Variants in PIR observed in about 807,000 individuals in gnomAD.
PIR encodes the protein pirin (iron-binding nuclear protein).
A neutral mutation model predicts 24.2 loss-of-function variants in PIR; 22 were observed. The ratio of observed to expected loss-of-function variants is 0.91; its 90% CI spans 0.65 to 1.30. The LOEUF (loss-of-function observed/expected upper bound fraction) is 1.30. Among genes scored for constraint, PIR ranks in the 50% most tolerant of loss-of-function variants. PIR has a pLI of 0.00. For missense variants in PIR, 220 were observed against 220.3 expected (o/e 1.00, Z 0.01); for synonymous variants, 80 against 79.6 (o/e 1.00, Z -0.03).
intron 3 of PIR, among the ~76,000 whole-genome samples, chrX:15,475,318 G>C (rs1922138341): frequency 9.0e-6 from 1 of 111,730 alleles, no homozygotes; most frequent in Admixed American, 9.5e-5. Flanking sequence ...CAAAATCAAA[G>C]AACTTGCTGA....
intron 2 of PIR, among the ~76,000 whole-genome samples, chrX:15,481,006 G>A (rs1473224505): frequency 8.9e-6 from 1 of 112,647 alleles, no homozygotes; most frequent in Non-Finnish European, 1.9e-5. Context: ...GATGGAGAGT[G>A]GTTGAGTGAC....
intron 8 of PIR, among the ~76,000 whole-genome samples, chrX:15,396,548 GACTAAACAGACTC>G (rs773017691): frequency 0.021 from 2,390 of 111,227 alleles, 23 homozygotes; most frequent in Non-Finnish European, 0.036. Context: ...CAGTCAGATT[GACTAAACAGACTC>G]ACAACATGGT....
intron 6 of PIR, among the ~76,000 whole-genome samples, chrX:15,417,476 TC>T (rs1163601260): frequency 8.9e-6 from 1 of 112,122 alleles, no homozygotes; most frequent in Non-Finnish European, 1.9e-5. Context: ...AAGATGTAGC[TC>T]CTTTCCTTTT....
chrX:15,471,392 T>C (rs1390551143), intron 3 of PIR, among the ~76,000 whole-genome samples: 1 of 112,119 alleles, frequency 8.9e-6, no homozygotes, highest in Non-Finnish European at 1.9e-5. Flanking sequence ...AAAGATGGTT[T>C]TATTTTAACG....
At chrX:15,425,308 G>A (rs1268394462) in intron 6 of PIR, among the ~76,000 whole-genome samples, 3 of 110,457 alleles carry the variant, frequency 2.7e-5, no homozygotes, top group Admixed American at 9.6e-5. Flanking sequence ...TTGAGCAAGT[G>A]ACCCATCTTT....
rs1923944876 is a variant in PIR at position 15,391,072 on chromosome X, A to G, written c.694-821T>C. ...ATTTATCACAGCAGAAATTGAAAACATTTCTCCAAAAGTGAGGGGTTGGTT... is the reference window on the plus strand; with the variant it reads ...ATTTATCACAGCAGAAATTGAAAACGTTTCTCCAAAAGTGAGGGGTTGGTT... On this transcript the variant is annotated intron_variant, in intron 8 of 9. Transcript: ENST00000380420. Among the ~76,000 whole-genome samples the G allele has an allele frequency of 2.7e-5, 3 of 111,779 alleles. No homozygotes were observed. In the Admixed American group the frequency reaches 2.9e-4, roughly 11 times the overall value.
At chrX:15,435,471 C>A (rs917306466) in intron 5 of PIR, among the ~76,000 whole-genome samples, 11 of 111,817 alleles carry the variant, frequency 9.8e-5, no homozygotes, top group Non-Finnish European at 2.1e-4. Context: ...TCTCCTTCTA[C>A]CACTTACAAG....
chrX:15,459,721 C>T lies in PIR; in HGVS notation c.209G>A (p.Gly70Glu), dbSNP rs780078643. Residue 70 changes from glycine (G) to glutamate (E), a missense_variant, in exon 4 of 10, where the codon GGG becomes GAG. Gly to Glu is a moderately conservative substitution (Grantham distance 98). Coordinates refer to ENST00000380420, the MANE Select transcript of PIR (RefSeq NM_001018109.3). ...GAAGTCTTCATGGGCCATGCTGCCC[C>T]CTTCCAGGAGGTAGGATACCTTTGA... ...GFETVSYLLE[G>E]GSMAHEDFCG... 4 of 1,182,611 alleles carry T rather than the reference C, an allele frequency of 3.4e-6. No homozygotes were observed. Among genetic ancestry groups the T allele is most frequent in the Non-Finnish European group, 4.6e-6 (4 of 869,596 alleles).
At chrX:15,470,600 C>CTTTTTTTTTTTTTTTTTTTTT (rs1185040119) in intron 3 of PIR, among the ~76,000 whole-genome samples, 1 of 45,105 alleles carries the variant, frequency 2.2e-5, no homozygotes, top group African/African-American at 7.1e-5. Flanking sequence ...TTCTTTCTTT[C>CTTTTTTTTTTTTTTTTTTTTT]TTTTTTTTTT....
intron 9 of PIR, 105 bp from the exon 10 acceptor site, chrX:15,385,221 G>A: frequency 2.4e-6 from 1 of 423,948 alleles, no homozygotes; most frequent in Non-Finnish European, 4.1e-6. Context: ...CAAAATCCAA[G>A]CACATCCGAA....
chrX:15,388,486 T>C (rs1923846900), intron 9 of PIR, among the ~76,000 whole-genome samples: 1 of 112,301 alleles, frequency 8.9e-6, no homozygotes, highest in Admixed American at 9.4e-5. Flanking sequence ...AAAATGGGCA[T>C]GAGAGTACCA....
At chrX:15,440,098 T>C (rs1231902729) in intron 5 of PIR, among the ~76,000 whole-genome samples, 1 of 111,157 alleles carries the variant, frequency 9.0e-6, no homozygotes, top group Admixed American at 9.6e-5. Flanking sequence ...CCTCTTGCTT[T>C]GTGTTATTTT....
chrX:15,394,515 G>A (rs1446532360), intron 8 of PIR, among the ~76,000 whole-genome samples: 1 of 111,424 alleles, frequency 9.0e-6, no homozygotes, highest in Non-Finnish European at 1.9e-5. Flanking sequence ...GGTCCACTAC[G>A]GGTGAGTTTG....
chrX:15,397,211 A>AG (rs1450560472), intron 8 of PIR, among the ~76,000 whole-genome samples: 1 of 112,507 alleles, frequency 8.9e-6, no homozygotes, highest in Non-Finnish European at 1.9e-5. Flanking sequence ...TCAAATTTCC[A>AG]GGGGTAAACA....
intron 3 of PIR, among the ~76,000 whole-genome samples, chrX:15,463,292 C>T (rs777379830): frequency 8.9e-6 from 1 of 112,170 alleles, no homozygotes; most frequent in East Asian, 2.8e-4. Context: ...CCTTTATCTT[C>T]TCAATTGGTT....
At chrX:15,476,281 T>C (rs1922187465) in intron 3 of PIR, among the ~76,000 whole-genome samples, 1 of 112,171 alleles carries the variant, frequency 8.9e-6, no homozygotes, top group South Asian at 3.6e-4. Flanking sequence ...AAAATATGTA[T>C]ATTAGTTACA....
intron 5 of PIR, among the ~76,000 whole-genome samples, chrX:15,434,257 A>T (rs1925668202): frequency 9.6e-6 from 1 of 103,877 alleles, no homozygotes; most frequent in Admixed American, 1.0e-4. Context: ...AGGAGAAAGA[A>T]GAAGGAGGAG....
At chrX:15,419,341 GTC>G (rs1174904566) in intron 6 of PIR, among the ~76,000 whole-genome samples, 1 of 74,489 alleles carries the variant, frequency 1.3e-5, no homozygotes, top group African/African-American at 6.2e-5. Context: ...GCATGGATAA[GTC>G]TGTGTGTGTG....
chrX:15,427,771 G>A (rs1472074116), intron 5 of PIR, among the ~76,000 whole-genome samples: 7 of 108,301 alleles, frequency 6.5e-5, no homozygotes, highest in African/African-American at 1.4e-4. Flanking sequence ...GTCAATAACC[G>A]TATTACTATA....
Sources: gnomAD v4.1 joint callset for allele counts (sites outside exome capture counted in the v4.1 genomes callset) on GRCh38, gnomAD v4.1.1 for gene constraint, MANE v1.5 for transcripts, NCBI Gene and HGNC (gene_info 2026-07-23, HGNC 2026-07-21) for gene names.